COL22A1: variants seen among roughly 807,000 people sequenced by gnomAD.
The protein encoded by COL22A1 is collagen alpha-1(XXII) chain.
Under a neutral mutation model 248.9 loss-of-function variants are expected in COL22A1, and 221 were observed. The ratio of observed to expected loss-of-function variants is 0.89; its 90% CI spans 0.80 to 0.99. The LOEUF (loss-of-function observed/expected upper bound fraction) is 0.99, where lower values mean the gene tolerates loss of function less well. COL22A1 is among the 50% of genes least tolerant of loss of function. COL22A1 has a pLI of 0.00. For synonymous variants in COL22A1, 891 were observed against 793.4 expected, an observed-to-expected ratio of 1.12 and a Z score of -2.07; for missense variants, 2,240 against 2,179.0, an observed-to-expected ratio of 1.03 and a Z score of -0.56.
At chr8:138,741,174 T>C (rs1384837161) in intron 22 of COL22A1, among the ~76,000 whole-genome samples, 4 of 152,162 alleles carry the variant, frequency 2.6e-5, no homozygotes, top group Non-Finnish European at 4.4e-5. Context: ...AATCCTCCCT[T>C]CACATCTCAG....
chr8:138,671,416 T>C (rs1290975762), intron 41 of COL22A1, among the ~76,000 whole-genome samples: 1 of 152,152 alleles, frequency 6.6e-6, no homozygotes, highest in Non-Finnish European at 1.5e-5. Flanking sequence ...AGCCAGACCG[T>C]AGTACTATAA....
chr8:138,687,630 A>T (rs1826468619), intron 37 of COL22A1, among the ~76,000 whole-genome samples: 1 of 152,152 alleles, frequency 6.6e-6, no homozygotes, highest in Admixed American at 6.5e-5. Context: ...ACCACATGGT[A>T]CCCTTGTCAC....
At chr8:138,906,956 ACTTT>A (rs1344410681) in intron 1 of COL22A1, among the ~76,000 whole-genome samples, 5 of 152,172 alleles carry the variant, frequency 3.3e-5, no homozygotes, top group African/African-American at 9.7e-5. Flanking sequence ...CCTGGGCAAG[ACTTT>A]CTTTGACTAA....
chr8:138,882,134 C>T (rs77562289), intron 2 of COL22A1, among the ~76,000 whole-genome samples: 4,867 of 152,164 alleles, frequency 0.032, 250 homozygotes, highest in African/African-American at 0.11. Context: ...CCTGCCTCCT[C>T]CCCGAGCTCC....
At chr8:138,643,858 C>A (rs1821963890) in intron 47 of COL22A1, among the ~76,000 whole-genome samples, 1 of 152,144 alleles carries the variant, frequency 6.6e-6, no homozygotes. Flanking sequence ...TGCTACCACA[C>A]CTGGCTAATT....
At chr8:138,749,687 A>C (rs1185702273) in intron 22 of COL22A1, among the ~76,000 whole-genome samples, 2 of 152,212 alleles carry the variant, frequency 1.3e-5, no homozygotes, top group Non-Finnish European at 2.9e-5. Context: ...TGGAGAGACC[A>C]GGTAACTTGC....
chr8:138,786,643 C>T (rs561648518), intron 12 of COL22A1, among the ~76,000 whole-genome samples: 6 of 152,274 alleles, frequency 3.9e-5, no homozygotes, highest in South Asian at 2.1e-4. Flanking sequence ...CAGTGGCTCA[C>T]GCTTGTAATC....
intron 1 of COL22A1, among the ~76,000 whole-genome samples, chr8:138,904,365 CCCCCTGCTGGCCCAA>C (rs1254519814): frequency 2.2e-4 from 34 of 152,058 alleles, no homozygotes; most frequent in African/African-American, 8.0e-4. Context: ...CCACCCGCCA[CCCCCTGCTGGCCCAA>C]CCCCTGCGGC....
intron 46 of COL22A1, among the ~76,000 whole-genome samples, chr8:138,647,292 G>A (rs1822288670): frequency 6.6e-6 from 1 of 152,120 alleles, no homozygotes. Flanking sequence ...TGCAGCTCAG[G>A]GCTTGAGGGT....
At chr8:138,620,972 TCCATCCATCCATCCATCCATCCAC>T (rs1209663468) in intron 52 of COL22A1, among the ~76,000 whole-genome samples, 2 of 111,332 alleles carry the variant, frequency 1.8e-5, no homozygotes, top group East Asian at 2.7e-4. Context: ...CATCCATCCA[TCCATCCATCCATCCATCCATCCAC>T]CCATCCATCC....
chr8:138,818,530 A>G (rs1818857899), intron 7 of COL22A1, among the ~76,000 whole-genome samples: 1 of 152,160 alleles, frequency 6.6e-6, no homozygotes, highest in Non-Finnish European at 1.5e-5. Flanking sequence ...AGAGGTTTGC[A>G]AATGGACCTG....
intron 42 of COL22A1, among the ~76,000 whole-genome samples, chr8:138,663,045 C>A (rs1274354641): frequency 6.6e-6 from 1 of 151,940 alleles, no homozygotes; most frequent in South Asian, 2.1e-4. Flanking sequence ...CAAAGCAATC[C>A]CTGTCCTGAA....
chr8:138,888,449 G>A (rs2132097921), intron 1 of COL22A1, among the ~76,000 whole-genome samples: 1 of 152,322 alleles, frequency 6.6e-6, no homozygotes, highest in Non-Finnish European at 1.5e-5. Context: ...CATCTGCCAG[G>A]CCCCAGAGTG....
rs1165645074 is a variant in COL22A1, at chr8:138,662,015, T to C, written c.3240+15A>G. 5 of 1,607,920 alleles carry C rather than the reference T, an allele frequency of 3.1e-6. No individual in the cohort carries two copies. The highest frequency in any genetic ancestry group is 3.4e-6 in the Non-Finnish European group (4 of 1,176,670). On this transcript the variant is annotated intron_variant, in intron 43 of 64. Transcript: ENST00000303045. The stretch of plus-strand genomic sequence containing the variant: ...AAGGGCCTTCACTGAGTCCACGCCA[T>C]TTCTCTGTACTTACGTCCCGGCCGG...
chr8:138,835,030 G>C (rs1348194320), intron 4 of COL22A1, among the ~76,000 whole-genome samples: 2 of 152,168 alleles, frequency 1.3e-5, no homozygotes, highest in South Asian at 2.1e-4. Flanking sequence ...AACAGAGCTG[G>C]GGCGACAGGG....
At chr8:138,864,995 C>A (rs1822753471) in intron 3 of COL22A1, among the ~76,000 whole-genome samples, 1 of 152,202 alleles carries the variant, frequency 6.6e-6, no homozygotes, top group Non-Finnish European at 1.5e-5. Context: ...ACCTTCCACC[C>A]CTTCAGCCAT....
At position 138,596,985 on chromosome 8, in the gene COL22A1, A is replaced by C; in HGVS notation, c.4366-15T>G. On this transcript the variant is annotated splice_polypyrimidine_tract_variant and intron_variant, in intron 61 of 64. Transcript: ENST00000303045. ...GGAGACTCCCCCTAGGAGGGAGGGA[A>C]GGTGGAGTCATTCATCTTCCCAGTA... The C allele has an allele frequency of 6.2e-7, 1 of 1,611,044 alleles. No individual in the cohort carries two copies. Among genetic ancestry groups the C allele is most frequent in the Non-Finnish European group, 8.5e-7 (1 of 1,177,680 alleles).
intron 63 of COL22A1, among the ~76,000 whole-genome samples, chr8:138,592,160 C>A: frequency 6.6e-6 from 1 of 152,068 alleles, no homozygotes; most frequent in East Asian, 1.9e-4. Flanking sequence ...GCGATAAATG[C>A]CATCATAGGA....
chr8:138,599,242 C>T (rs1029082544), intron 60 of COL22A1, among the ~76,000 whole-genome samples: 5 of 150,408 alleles, frequency 3.3e-5, no homozygotes, highest in African/African-American at 4.9e-5. Flanking sequence ...TCTGGGAGGC[C>T]GAGGCAGGCA....
Sources: gnomAD v4.1 joint callset for allele counts (sites outside exome capture counted in the v4.1 genomes callset) on GRCh38, gnomAD v4.1.1 for gene constraint, MANE v1.5 for transcripts, NCBI Gene and HGNC (gene_info 2026-07-23, HGNC 2026-07-21) for gene names.